OSBPL1A: variants seen among roughly 807,000 people sequenced by gnomAD.
OSBPL1A encodes the protein oxysterol-binding protein-related protein 1.
OSBPL1A carries 80 observed loss-of-function variants against 137.1 expected under a neutral mutation model. The observed-to-expected ratio is 0.58, with a 90% CI of 0.49 to 0.70. The LOEUF (loss-of-function observed/expected upper bound fraction) is 0.70, where lower values mean the gene tolerates loss of function less well. Among genes scored for constraint, OSBPL1A ranks in the 30% least tolerant of loss-of-function variants. OSBPL1A has a pLI of 0.00. For synonymous variants in OSBPL1A, 365 were observed against 389.7 expected, an observed-to-expected ratio of 0.94 and a Z score of 0.75; for missense variants, 970 against 1,129.4, an observed-to-expected ratio of 0.86 and a Z score of 2.02.
intron 2 of OSBPL1A, among the ~76,000 whole-genome samples, chr18:24,368,768 G>C (rs1905375734): frequency 6.6e-6 from 1 of 152,160 alleles, no homozygotes; most frequent in Non-Finnish European, 1.5e-5. Flanking sequence ...GGAGGGTATG[G>C]AGGAGCTGAA....
intron 15 of OSBPL1A, among the ~76,000 whole-genome samples, chr18:24,249,076 T>C (rs1373228120): frequency 6.6e-6 from 1 of 152,234 alleles, no homozygotes; most frequent in Non-Finnish European, 1.5e-5. Flanking sequence ...TTTAAAATAA[T>C]TTGATGCAAG....
rs57325245 is a variant in OSBPL1A at position 24,175,137 on chromosome 18, C to CATATAT, written c.2094-2655_2094-2654insATATAT. ...ATATATATATATATATATATATATA[C>CATATAT]ACATATATATATATATATGAAGTAT... On this transcript the variant is annotated intron_variant, in intron 21 of 27. Transcript: ENST00000319481. Among the ~76,000 whole-genome samples, 5 of 51,794 alleles carry CATATAT rather than the reference C, an allele frequency of 9.7e-5. 1 individual carries two copies. Among genetic ancestry groups the CATATAT allele is most frequent in the African/African-American group, 4.0e-4 (5 of 12,376 alleles). The allele number at this position is 51,794 out of a possible 152,430, so 34.0% of individuals were successfully genotyped here.
chr18:24,338,799 C>T (rs2091225135), intron 5 of OSBPL1A, among the ~76,000 whole-genome samples: 1 of 152,116 alleles, frequency 6.6e-6, no homozygotes, highest in Admixed American at 6.5e-5. Flanking sequence ...CTGCAACCTC[C>T]ACCTCCTGGG....
At chr18:24,221,882 T>G (rs886068875) in intron 17 of OSBPL1A, among the ~76,000 whole-genome samples, 1 of 152,234 alleles carries the variant, frequency 6.6e-6, no homozygotes, top group Non-Finnish European at 1.5e-5. Flanking sequence ...TCAGTTTTAA[T>G]TGTAGTTTCT....
chr18:24,315,016 C>A (rs890215104), intron 11 of OSBPL1A, among the ~76,000 whole-genome samples: 1 of 152,170 alleles, frequency 6.6e-6, no homozygotes, highest in African/African-American at 2.4e-5. Context: ...GGCCCCCCAC[C>A]TGTTGCAGAA....
At chr18:24,222,244 C>T (rs548057459) in intron 17 of OSBPL1A, among the ~76,000 whole-genome samples, 3 of 152,016 alleles carry the variant, frequency 2.0e-5, no homozygotes, top group Non-Finnish European at 4.4e-5. Context: ...ATTAGGTTGA[C>T]CATATGGTTT....
intron 4 of OSBPL1A, among the ~76,000 whole-genome samples, chr18:24,363,572 G>A (rs573304363): frequency 6.6e-5 from 10 of 150,686 alleles, no homozygotes; most frequent in African/African-American, 1.2e-4. Context: ...TCAGCCTCCC[G>A]AGTAGCTGGG....
chr18:24,259,331 G>C (rs966836073), intron 15 of OSBPL1A, among the ~76,000 whole-genome samples: 4 of 152,112 alleles, frequency 2.6e-5, no homozygotes, highest in Non-Finnish European at 4.4e-5. Context: ...GCCTATGACA[G>C]AGACTGCTAA....
At chr18:24,341,785 G>A (rs956416446) in intron 4 of OSBPL1A, 127 bp from the exon 5 acceptor site, 4 of 563,062 alleles carry the variant, frequency 7.1e-6, no homozygotes, top group Non-Finnish European at 9.3e-6. Context: ...AATGTATCAC[G>A]TTATGTCTAT....
At chr18:24,222,512 T>A (rs2087925176) in intron 17 of OSBPL1A, among the ~76,000 whole-genome samples, 1 of 152,156 alleles carries the variant, frequency 6.6e-6, no homozygotes, top group African/African-American at 2.4e-5. Context: ...CCACGGAATG[T>A]GGCCAAGATG....
chr18:24,314,424 TA>T, intron 11 of OSBPL1A, 77 bp from the exon 12 acceptor site: 1 of 980,818 alleles, frequency 1.0e-6, no homozygotes, highest in Non-Finnish European at 1.5e-6. Context: ...ACATAAAATT[TA>T]AAGTAGTGAC....
intron 15 of OSBPL1A, among the ~76,000 whole-genome samples, chr18:24,265,350 T>A (rs1193338152): frequency 1.3e-5 from 2 of 152,050 alleles, no homozygotes; most frequent in Non-Finnish European, 2.9e-5. Flanking sequence ...CATGGTGGCA[T>A]GCGCCTGTAG....
At chr18:24,188,098 AG>A (rs2145932963) in intron 18 of OSBPL1A, among the ~76,000 whole-genome samples, 1 of 152,342 alleles carries the variant, frequency 6.6e-6, no homozygotes, top group African/African-American at 2.4e-5. Context: ...AACACTCTTA[AG>A]GACTATCACA....
chr18:24,250,894 C>T (rs1183807947), intron 15 of OSBPL1A, among the ~76,000 whole-genome samples: 1 of 152,090 alleles, frequency 6.6e-6, no homozygotes, highest in African/African-American at 2.4e-5. Flanking sequence ...AGGGTGAGTC[C>T]CAGGCCTAGT....
At chr18:24,268,068 T>C (rs1003455937) in intron 15 of OSBPL1A, among the ~76,000 whole-genome samples, 1 of 152,218 alleles carries the variant, frequency 6.6e-6, no homozygotes, top group East Asian at 1.9e-4. Context: ...CTCACTCCTT[T>C]GCATGCTGCA....
chr18:24,224,906 T>A, intron 17 of OSBPL1A, 136 bp downstream of exon 17: 1 of 1,141,248 alleles, frequency 8.8e-7, no homozygotes, highest in Non-Finnish European at 1.2e-6. Context: ...TTAAGTTAAA[T>A]GCTTTCTTTG....
chr18:24,190,862 G>C (rs533180959), intron 18 of OSBPL1A, among the ~76,000 whole-genome samples: 196 of 152,334 alleles, frequency 1.3e-3, no homozygotes, highest in Non-Finnish European at 2.2e-3. Flanking sequence ...CAGTTACTCT[G>C]ACCCAGTGAT....
intron 13 of OSBPL1A, among the ~76,000 whole-genome samples, chr18:24,310,065 A>G (rs986658006): frequency 2.0e-5 from 3 of 151,260 alleles, no homozygotes; most frequent in Admixed American, 6.6e-5. Flanking sequence ...AAAAAAGAAA[A>G]AAAAAAAAAA....
At chr18:24,172,873 G>A (rs1599431211) in intron 21 of OSBPL1A, among the ~76,000 whole-genome samples, 1 of 152,034 alleles carries the variant, frequency 6.6e-6, no homozygotes, top group East Asian at 1.9e-4. Context: ...ACTCATCTAT[G>A]TGAATAAACT....
Sources: allele counts gnomAD v4.1 joint callset (sites outside exome capture counted in the v4.1 genomes callset), GRCh38; gene constraint gnomAD v4.1.1; transcripts MANE v1.5; gene names NCBI Gene and HGNC (gene_info 2026-07-23, HGNC 2026-07-21).